The following CLDN14 variants were observed in gnomAD, a reference collection of about 807,000 sequenced individuals.
CLDN14 encodes claudin-14.
A neutral mutation model predicts 2.1 loss-of-function variants in CLDN14; 2 were observed. The observed-to-expected ratio is 0.96, with a 90% CI of 0.39 to 3.01. CLDN14 has a LOEUF of 3.01. Ranked by LOEUF, CLDN14 falls within the 30% of genes most tolerant of loss-of-function variation. The pLI is 0.09. For synonymous variants in CLDN14, 136 were observed against 154.4 expected (o/e 0.88, Z 0.88); for missense variants, 298 against 328.0 (o/e 0.91, Z 0.71).
intron 1 of CLDN14, among the ~76,000 whole-genome samples, chr21:36,524,910 G>C (rs1455395214): frequency 7.2e-5 from 11 of 152,202 alleles, no homozygotes; most frequent in Non-Finnish European, 1.6e-4. Context: ...TGCAAGGCAT[G>C]GGTGCCAGGT....
At chr21:36,509,372 G>A (rs924567955) in intron 2 of CLDN14, among the ~76,000 whole-genome samples, 28 of 152,208 alleles carry the variant, frequency 1.8e-4, no homozygotes, top group African/African-American at 6.5e-4. Flanking sequence ...ATGTTTGGAG[G>A]TGGTGTTGGC....
Position 36,551,329 on chromosome 21 carries a change from G to A in CLDN14, c.-220+25082C>T, listed in dbSNP as rs1043893846. On this transcript the variant is annotated intron_variant, in intron 1 of 2. Coordinates refer to the CLDN14 transcript ENST00000342108. This position sits in a 1 kb window ranked among gnomAD's most constrained non-coding sequence, Gnocchi z 4.8. ...TCCGAGCAGATGCACTGTTCCCTGC[G>A]GACAGGATTTATTCCTGGAGCCTCT... 7.9e-5 allele frequency among the ~76,000 whole-genome samples: 12 copies of A among 152,308 alleles called. No individual in the cohort carries two copies. Among genetic ancestry groups the A allele is most frequent in the Middle Eastern group, 3.4e-3 (1 of 294 alleles).
chr21:36,501,646 AGGTAC>A (rs2087093343), intron 2 of CLDN14, among the ~76,000 whole-genome samples: 2 of 152,072 alleles, frequency 1.3e-5, no homozygotes, highest in Admixed American at 6.6e-5. Context: ...CTGCTTTGAC[AGGTAC>A]GCCACCCCCT....
chr21:36,563,061 A>G (rs1021867166), intron 1 of CLDN14, among the ~76,000 whole-genome samples: 1 of 150,250 alleles, frequency 6.7e-6, no homozygotes, highest in East Asian at 2.0e-4. Context: ...TATTTCATGA[A>G]GACCTCTGTG....
At chr21:36,506,344 C>G (rs1357645970) in intron 2 of CLDN14, among the ~76,000 whole-genome samples, 3 of 152,140 alleles carry the variant, frequency 2.0e-5, no homozygotes, top group Admixed American at 6.5e-5. Flanking sequence ...TGCCTGTAAT[C>G]CCAGCATTTT....
chr21:36,566,460 C>T (rs377284), intron 1 of CLDN14, among the ~76,000 whole-genome samples: 114,171 of 152,104 alleles, frequency 0.75, 44,299 homozygotes, highest in Non-Finnish European at 0.87. Flanking sequence ...TTCTCCCTTC[C>T]GGTTTTCACA....
chr21:36,510,979 C>A (rs2087181548), intron 1 of CLDN14, among the ~76,000 whole-genome samples: 1 of 152,222 alleles, frequency 6.6e-6, no homozygotes, highest in Non-Finnish European at 1.5e-5. Flanking sequence ...TCTGATTCTA[C>A]CTTCTCTATT....
intron 1 of CLDN14, among the ~76,000 whole-genome samples, chr21:36,476,199 C>G (rs918553459): frequency 6.6e-6 from 1 of 152,158 alleles, no homozygotes; most frequent in East Asian, 1.9e-4. Flanking sequence ...ATCCTCTTCT[C>G]CAGCTACAAT....
Position 36,461,550 on chromosome 21 carries a change from C to T in CLDN14, c.146G>A (p.Gly49Glu), listed in dbSNP as rs1347733089. The part of the protein sequence containing the change: ...NILTAVSYLK[G>E]LWMECVWHST... ...GTGCCACACACACTCCATCCAGAGC[C>T]CTTTCAGGTAGGACACGGCCGTGAG... is the stretch of plus-strand genomic sequence containing the variant. Residue 49 changes from glycine (G) to glutamate (E), a missense_variant, in exon 2 of 2, where the codon GGG becomes GAG. By Grantham distance (98) the Gly-to-Glu change is moderately conservative. Transcript: ENST00000399135. The T allele has an allele frequency of 1.2e-6, 2 of 1,613,240 alleles. No homozygotes were observed. Among genetic ancestry groups the T allele is most frequent in the African/African-American group, 2.7e-5 (2 of 74,928 alleles).
chr21:36,511,630 C>T (rs537678882), intron 1 of CLDN14, among the ~76,000 whole-genome samples: 57 of 152,234 alleles, frequency 3.7e-4, no homozygotes, highest in African/African-American at 1.3e-3. Flanking sequence ...GGGAGCACAT[C>T]TGTGAGCCAT....
chr21:36,515,789 C>CCCTTTTTT, intron 1 of CLDN14, among the ~76,000 whole-genome samples: 1 of 115,314 alleles, frequency 8.7e-6, no homozygotes, highest in Admixed American at 9.4e-5. Flanking sequence ...TTTATCTTCT[C>CCCTTTTTT]TTTTTTTTTT....
At chr21:36,536,529 A>T (rs1381660577) in intron 1 of CLDN14, among the ~76,000 whole-genome samples, 4 of 152,188 alleles carry the variant, frequency 2.6e-5, no homozygotes, top group African/African-American at 9.7e-5. Flanking sequence ...CTAAAGCTCC[A>T]TGGGACAAAT....
At chr21:36,536,109 G>A (rs899965408) in intron 1 of CLDN14, among the ~76,000 whole-genome samples, 5 of 152,246 alleles carry the variant, frequency 3.3e-5, no homozygotes, top group Non-Finnish European at 7.3e-5. Flanking sequence ...GCCCAGCTCT[G>A]TGGGGAGGTT....
chr21:36,548,847 GTCT>G (rs1225775445), intron 1 of CLDN14, among the ~76,000 whole-genome samples: 1 of 152,160 alleles, frequency 6.6e-6, no homozygotes, highest in Non-Finnish European at 1.5e-5. Flanking sequence ...AAGGGGAAAT[GTCT>G]TCCTCTCTCC....
chr21:36,552,057 C>T (rs117417045), intron 1 of CLDN14, among the ~76,000 whole-genome samples: 5 of 152,286 alleles, frequency 3.3e-5, no homozygotes, highest in Non-Finnish European at 7.3e-5. Flanking sequence ...TCATCCACCC[C>T]GAAACATTTG....
intron 1 of CLDN14, among the ~76,000 whole-genome samples, chr21:36,540,893 A>C (rs927394275): frequency 1.3e-5 from 2 of 152,314 alleles, no homozygotes; most frequent in Non-Finnish European, 2.9e-5. Flanking sequence ...TAGCAAGCTG[A>C]TTGGAGGTGG....
At chr21:36,471,408 G>T (rs1400975233) in intron 1 of CLDN14, among the ~76,000 whole-genome samples, 1 of 152,190 alleles carries the variant, frequency 6.6e-6, no homozygotes, top group East Asian at 1.9e-4. Flanking sequence ...GCTTCTCCAG[G>T]CTTAAAAAGT....
At chr21:36,558,405 T>C (rs554671066) in intron 1 of CLDN14, among the ~76,000 whole-genome samples, 16 of 152,312 alleles carry the variant, frequency 1.1e-4, no homozygotes, top group African/African-American at 3.6e-4. Context: ...TATTAAGTCT[T>C]CTAATCCATG....
intron 1 of CLDN14, among the ~76,000 whole-genome samples, chr21:36,530,985 C>A (rs1161668799): frequency 6.6e-6 from 1 of 152,154 alleles, no homozygotes; most frequent in Non-Finnish European, 1.5e-5. Context: ...AATCCCAGCA[C>A]TTCGGGAAGC....
Sources: gnomAD v4.1 joint callset for allele counts (sites outside exome capture counted in the v4.1 genomes callset) on GRCh38, gnomAD v4.1.1 for gene constraint, Gnocchi (gnomAD v3.1) non-coding constraint, MANE v1.5 for transcripts, NCBI Gene and HGNC (gene_info 2026-07-23, HGNC 2026-07-21) for gene names.